The following LPP variants were observed in gnomAD, a reference collection of about 807,000 sequenced individuals.
LPP encodes lipoma-preferred partner.
A neutral mutation model predicts 60.4 loss-of-function variants in LPP; 38 were observed. The ratio of observed to expected loss-of-function variants is 0.63; its 90% CI spans 0.49 to 0.83. The LOEUF (loss-of-function observed/expected upper bound fraction) is 0.83. Ranked by LOEUF, LPP falls within the 40% of genes least tolerant of loss-of-function variation. The pLI is 0.00. For missense variants in LPP, 902 were observed against 783.6 expected, an observed-to-expected ratio of 1.15 and a Z score of -1.80; for synonymous variants, 328 against 290.8, an observed-to-expected ratio of 1.13 and a Z score of -1.30.
At chr3:188,804,775 C>A (rs895106318) in intron 9 of LPP, among the ~76,000 whole-genome samples, 2 of 151,750 alleles carry the variant, frequency 1.3e-5, no homozygotes, top group African/African-American at 4.8e-5. Context: ...GCGCTGTTCC[C>A]AATATTAAGA....
At chr3:188,196,690 C>T (rs1560101936) in intron 1 of LPP, among the ~76,000 whole-genome samples, 1 of 152,260 alleles carries the variant, frequency 6.6e-6, no homozygotes, top group East Asian at 1.9e-4. Flanking sequence ...TTTCCTCATT[C>T]AGGGCAAATT....
At chr3:188,685,255 G>C (rs1860448242) in intron 7 of LPP, among the ~76,000 whole-genome samples, 1 of 152,148 alleles carries the variant, frequency 6.6e-6, no homozygotes, top group Non-Finnish European at 1.5e-5. Flanking sequence ...TAATGAACAA[G>C]ATATCTGACT....
chr3:188,451,403 G>C (rs1441117473), intron 4 of LPP, among the ~76,000 whole-genome samples: 1 of 152,134 alleles, frequency 6.6e-6, no homozygotes, highest in East Asian at 1.9e-4. Context: ...TGAAAATGTG[G>C]TGTTGTCAAG....
intron 2 of LPP, among the ~76,000 whole-genome samples, chr3:188,327,024 T>G (rs925155043): frequency 1.2e-4 from 19 of 152,304 alleles, no homozygotes; most frequent in Admixed American, 9.2e-4. Flanking sequence ...ATTCTTACTT[T>G]CTTATCATCC....
rs1415763088 is a variant in LPP at position 188,862,560 on chromosome 3, T to A, written c.1411-3640T>A. Among the ~76,000 whole-genome samples the A allele has an allele frequency of 7.3e-5, 11 of 151,612 alleles. No homozygotes were observed. In the East Asian group the frequency reaches 2.1e-3, roughly 30 times the overall value. On this transcript the variant is annotated intron_variant, in intron 9 of 11. Transcript: ENST00000617246. ...ATTAAAGATGTGGCAGAAAGCTCAGTGTGGCAGCTGGGAGGAGGAGTCCAT... is the reference window on the plus strand; with the variant it reads ...ATTAAAGATGTGGCAGAAAGCTCAGAGTGGCAGCTGGGAGGAGGAGTCCAT...
intron 9 of LPP, among the ~76,000 whole-genome samples, chr3:188,862,712 C>CAAAA (rs140751676): frequency 9.0e-4 from 50 of 55,358 alleles, no homozygotes; most frequent in Middle Eastern, 8.2e-3. Flanking sequence ...CCCTACTAGA[C>CAAAA]AAAAAAATAA....
intron 1 of LPP, among the ~76,000 whole-genome samples, chr3:188,207,524 G>A (rs1013967876): frequency 2.6e-5 from 4 of 151,672 alleles, no homozygotes; most frequent in African/African-American, 9.7e-5. Context: ...GAGCCACCGT[G>A]CTCCACCCAC....
At chr3:188,795,075 C>T (rs1466499377) in intron 9 of LPP, among the ~76,000 whole-genome samples, 1 of 152,148 alleles carries the variant, frequency 6.6e-6, no homozygotes, top group Non-Finnish European at 1.5e-5. Flanking sequence ...GTGGAGGTTG[C>T]AGTGAGCTGA....
chr3:188,810,723 T>C (rs1164553360), intron 9 of LPP, among the ~76,000 whole-genome samples: 2 of 152,150 alleles, frequency 1.3e-5, no homozygotes, highest in Non-Finnish European at 2.9e-5. Flanking sequence ...CGGTAGTTGG[T>C]TGTTCTGCAG....
chr3:188,716,510 G>A (rs181257364), intron 8 of LPP, among the ~76,000 whole-genome samples: 1 of 152,306 alleles, frequency 6.6e-6, no homozygotes, highest in East Asian at 1.9e-4. Context: ...TGACTAAGAT[G>A]CTTAGGAAAT....
chr3:188,193,643 CA>C (rs1728764237), intron 1 of LPP, among the ~76,000 whole-genome samples: 1 of 152,154 alleles, frequency 6.6e-6, no homozygotes, highest in Admixed American at 6.6e-5. Context: ...GTGACATGTT[CA>C]CATGTGTGGT....
At chr3:188,633,854 T>G (rs1458011125) in intron 7 of LPP, among the ~76,000 whole-genome samples, 2 of 152,204 alleles carry the variant, frequency 1.3e-5, no homozygotes, top group Non-Finnish European at 2.9e-5. Flanking sequence ...AGTTATTCCT[T>G]TTTACTCTTT....
chr3:188,311,033 A>G (rs1301863380), intron 2 of LPP, among the ~76,000 whole-genome samples: 1 of 152,206 alleles, frequency 6.6e-6, no homozygotes, highest in African/African-American at 2.4e-5. Flanking sequence ...ACTTCCAAAA[A>G]GTCGAAGATA....
At position 188,313,425 on chromosome 3, in the gene LPP, A is replaced by C. The variant is rs532007113; in HGVS notation, c.-66-28238A>C. ...GTGGCTGAGGTGGGCAGATCACTTG[A>C]GGTCAGAAGTTCAAGACCAGCCTGG... On this transcript the variant is annotated intron_variant, in intron 2 of 11. Coordinates refer to ENST00000617246, the MANE Select transcript of LPP (RefSeq NM_001375462.1). 9.2e-5 allele frequency among the ~76,000 whole-genome samples: 14 copies of C among 152,216 alleles called. No individual in the cohort carries two copies. In the South Asian group the frequency reaches 2.7e-3, roughly 29 times the overall value.
At chr3:188,720,487 T>G (rs1312677320) in intron 8 of LPP, among the ~76,000 whole-genome samples, 1 of 151,830 alleles carries the variant, frequency 6.6e-6, no homozygotes, top group Non-Finnish European at 1.5e-5. Context: ...TGAGAAGAGG[T>G]ACAGGCATAC....
At chr3:188,207,444 C>T (rs1440034914) in intron 1 of LPP, among the ~76,000 whole-genome samples, 1 of 151,772 alleles carries the variant, frequency 6.6e-6, no homozygotes, top group Non-Finnish European at 1.5e-5. Context: ...GTTGGCCATG[C>T]TGGTCTTGAA....
chr3:188,618,623 T>G lies in LPP; in HGVS notation c.1113+8779T>G, dbSNP rs548168012. 2.0e-4 allele frequency among the ~76,000 whole-genome samples: 31 copies of G among 152,334 alleles called. 1 individual carries two copies. The East Asian group carries it at 6.0e-3, about 29-fold the overall frequency. The stretch of plus-strand genomic sequence containing the variant: ...TTCCTTTGGCGCAGAGTTTAGAGAC[T>G]AAAACTTCTGAGTAGTATTTCCGGG... On this transcript the variant is annotated intron_variant, in intron 7 of 11. Transcript: ENST00000617246.
chr3:188,587,640 G>A (rs34245307), intron 6 of LPP, among the ~76,000 whole-genome samples: 23,029 of 152,096 alleles, frequency 0.15, 1,908 homozygotes, highest in Middle Eastern at 0.25. Context: ...ACAGCCTTTC[G>A]TAAAGTGGTT....
At chr3:188,446,053 T>A (rs1795155453) in intron 4 of LPP, among the ~76,000 whole-genome samples, 1 of 152,218 alleles carries the variant, frequency 6.6e-6, no homozygotes, top group African/African-American at 2.4e-5. Flanking sequence ...GTAAGAGCCT[T>A]CTCATAGTCT....
Sources: allele counts gnomAD v4.1 joint callset (sites outside exome capture counted in the v4.1 genomes callset), GRCh38; gene constraint gnomAD v4.1.1; transcripts MANE v1.5; gene names NCBI Gene and HGNC (gene_info 2026-07-23, HGNC 2026-07-21).